The following MITD1 variants were observed in gnomAD, a reference collection of about 807,000 sequenced individuals.
MITD1 encodes MIT domain-containing protein 1.
Under a neutral mutation model 34.9 loss-of-function variants are expected in MITD1, and 24 were observed. The observed-to-expected ratio is 0.69, with a 90% CI of 0.50 to 0.97. The LOEUF (loss-of-function observed/expected upper bound fraction) is 0.97, where lower values mean the gene tolerates loss of function less well. Among genes scored for constraint, MITD1 ranks in the 50% least tolerant of loss-of-function variants. MITD1 has a pLI of 0.00. For missense variants in MITD1, 266 were observed against 294.6 expected (o/e 0.90, Z 0.71); for synonymous variants, 102 against 101.4 (o/e 1.01, Z -0.04).
Position 99,173,696 on chromosome 2 carries a change from A to C in MITD1, c.253+219T>G, listed in dbSNP as rs1204201412. ...TGAGATGTTCAAAGGGGTGTCTGAT[A>C]TTCCCACCCCCAACTAAAAACAAAA... On this transcript the variant is annotated intron_variant, in intron 2 of 6. Transcript: ENST00000289359. The C allele has an allele frequency of 1.2e-5, 7 of 571,672 alleles. No homozygotes were observed. In the Admixed American group the frequency reaches 2.1e-4, roughly 17 times the overall value. 35.4% of individuals were successfully genotyped at this position (571,672 alleles called of 1,614,324 possible). A position where few individuals can be genotyped will look rare whatever the true frequency, so the allele number is the denominator to read the frequency against.
At chr2:99,168,978 T>TTTTTG (rs70940146), downstream of MITD1, among the ~76,000 whole-genome samples, 99 of 103,060 alleles carry the variant, frequency 9.6e-4, 8 homozygotes, top group Non-Finnish European at 1.1e-3. Flanking sequence ...TTTTTTTTTT[T>TTTTTG]CTGATACAGG....
rs1215074648 is a variant in MITD1, at chr2:99,169,590, A to G, written c.614T>C (p.Ile205Thr). 2.5e-6 allele frequency: 4 copies of G among 1,608,054 alleles called. No homozygotes were observed. The East Asian group carries it at 6.7e-5, about 27-fold the overall frequency. ...REIRFNNGWM[I>T]KIGRGLDYFK... ...ATAATCAAGTCCCCTTCCAATCTTA[A>G]TCATCCATCCATTGTTGAACCTGTT... is the stretch of plus-strand genomic sequence containing the variant. Residue 205 changes from isoleucine (I) to threonine (T), a missense_variant, in exon 6 of 7, where the codon ATT becomes ACT. Physicochemically the swap from Ile to Thr is moderately conservative, Grantham distance 89. Coordinates refer to ENST00000289359, the MANE Select transcript of MITD1 (RefSeq NM_138798.3).
At chr2:99,163,366 C>T (rs535635072) in intron 7 of MITD1, among the ~76,000 whole-genome samples, 1 of 152,086 alleles carries the variant, frequency 6.6e-6, no homozygotes, top group African/African-American at 2.4e-5. Flanking sequence ...GACTCACTCT[C>T]ACCCAGGCTG....
At chr2:99,164,608 G>A (rs1195299939), downstream of MITD1, among the ~76,000 whole-genome samples, 1 of 152,148 alleles carries the variant, frequency 6.6e-6, no homozygotes, top group Non-Finnish European at 1.5e-5. Flanking sequence ...ATCTCAGACT[G>A]GGGGTAGGGT....
chr2:99,161,981 G>A (rs2093796909), exon 8 of MITD1: 4 of 1,603,632 alleles, frequency 2.5e-6, no homozygotes, highest in Non-Finnish European at 3.4e-6. Flanking sequence ...TTTCAATGAA[G>A]AATTGCTTCC....
chr2:99,176,091 T>A (rs2093885083), intron 1 of MITD1, among the ~76,000 whole-genome samples: 1 of 151,968 alleles, frequency 6.6e-6, no homozygotes, highest in Non-Finnish European at 1.5e-5. Flanking sequence ...CAGGCACACA[T>A]TACTATGCCT....
chr2:99,168,112 A>G (rs1000540689), downstream of MITD1, among the ~76,000 whole-genome samples: 19 of 152,024 alleles, frequency 1.2e-4, no homozygotes, highest in African/African-American at 4.3e-4. Context: ...TTCCTCTTAC[A>G]TATGTTAGCT....
chr2:99,169,479 A>G lies in MITD1; in HGVS notation c.655-9T>C, dbSNP rs760416386. On this transcript the variant is annotated splice_polypyrimidine_tract_variant and intron_variant, in intron 6 of 6. Transcript: ENST00000289359. ...CCAAGGGAAAAACGACTCTAAGAAGAGAAGAAAAGAGTATCATTAAAAATG... is the reference window on the plus strand; with the variant it reads ...CCAAGGGAAAAACGACTCTAAGAAGGGAAGAAAAGAGTATCATTAAAAATG... The G allele has an allele frequency of 6.2e-7, 1 of 1,607,254 alleles. No individual in the cohort carries two copies. Among genetic ancestry groups the G allele is most frequent in the South Asian group, 1.1e-5 (1 of 90,130 alleles).
intron 2 of MITD1, 80 bp downstream of exon 2, chr2:99,173,835 A>G: frequency 1.1e-6 from 1 of 898,264 alleles, no homozygotes; most frequent in Non-Finnish European, 1.8e-6. Flanking sequence ...ACAGAGCTCC[A>G]AAGGGCAGGA....
rs763614449 is a variant in MITD1, at chr2:99,181,027, G to T, written c.-46C>A. 12 of 1,579,596 alleles carry T rather than the reference G, an allele frequency of 7.6e-6. No homozygotes were observed. Among genetic ancestry groups the T allele is most frequent in the Admixed American group, 5.3e-5 (3 of 56,300 alleles). On this transcript the variant is annotated 5_prime_UTR_variant, in exon 1 of 7. Transcript: ENST00000289359. ...GCCTCAACCCAGGATGAAGTTGAGC[G>T]GGTCTGCTGCGCTTCCGGGAAGTGG...
chr2:99,180,914 A>C lies in MITD1; in HGVS notation c.68T>G (p.Val23Gly). 1 of 1,614,200 alleles carries C rather than the reference A, an allele frequency of 6.2e-7. No individual in the cohort carries two copies. Among genetic ancestry groups the C allele is most frequent in the African/African-American group, 1.3e-5 (1 of 75,058 alleles). ...TAAATVLKRA[V>G]ELDSESRYPQ... ...ATACCGCGACTCCGAATCTAGTTCT[A>C]CTGCCCGCTTTAGCACAGTGGCTGC... The change falls in exon 1 of 7, where the codon GTA becomes GGA. Residue 23 changes from valine (V) to glycine (G), a missense_variant. Transcript: ENST00000289359.
intron 1 of MITD1, among the ~76,000 whole-genome samples, chr2:99,179,419 A>G (rs2093903547): frequency 6.6e-6 from 1 of 152,202 alleles, no homozygotes. Flanking sequence ...TGATAGGGCA[A>G]TTGGTACGGA....
chr2:99,180,673 G>T (rs2093913028), intron 1 of MITD1, 158 bp downstream of exon 1: 7 of 670,350 alleles, frequency 1.0e-5, no homozygotes, highest in African/African-American at 1.8e-5. Flanking sequence ...AGATCTAAAA[G>T]AAAGCGGCCC....
chr2:99,170,779 T>TAGA (rs2093851846), intron 4 of MITD1, 127 bp from the exon 5 acceptor site: 1 of 484,144 alleles, frequency 2.1e-6, no homozygotes, highest in Non-Finnish European at 3.8e-6. Flanking sequence ...TCAATGTCTA[T>TAGA]TATCTCAAAA....
downstream of MITD1, among the ~76,000 whole-genome samples, chr2:99,165,019 TACACACACACACACACAC>T (rs56958044): frequency 5.0e-4 from 69 of 136,736 alleles, no homozygotes; most frequent in Non-Finnish European, 6.2e-4. Flanking sequence ...CAAAATGGCA[TACACACACACACACACAC>T]ACACACACAC....
chr2:99,174,421 T>C (rs961163079), intron 1 of MITD1, among the ~76,000 whole-genome samples: 18 of 152,274 alleles, frequency 1.2e-4, no homozygotes, highest in African/African-American at 4.3e-4. Context: ...GACCTCCCCA[T>C]TATAGTTAAT....
Position 99,181,032 on chromosome 2 carries a change from T to C in MITD1, c.-51A>G. ...AACCCAGGATGAAGTTGAGCGGGTCTGCTGCGCTTCCGGGAAGTGGTCATG... is the reference window on the plus strand; with the variant it reads ...AACCCAGGATGAAGTTGAGCGGGTCCGCTGCGCTTCCGGGAAGTGGTCATG... On this transcript the variant is annotated 5_prime_UTR_variant, in exon 1 of 7. Transcript: ENST00000289359. The C allele has an allele frequency of 6.3e-7, 1 of 1,576,840 alleles. No homozygotes were observed. The highest frequency in any genetic ancestry group is 1.2e-5 in the South Asian group (1 of 86,300).
rs527238362 is a variant in MITD1 at position 99,180,180 on chromosome 2, C to A, written c.151+651G>T. The stretch of plus-strand genomic sequence containing the variant: ...GCGCATTTCTCACACCGAACCTCAT[C>A]CGTTTAAGAAAAACTTTTCTTCTTC... On this transcript the variant is annotated intron_variant, in intron 1 of 6. Coordinates refer to ENST00000289359, the MANE Select transcript of MITD1 (RefSeq NM_138798.3). Among the ~76,000 whole-genome samples, 4 of 152,274 alleles carry A rather than the reference C, an allele frequency of 2.6e-5. No individual in the cohort carries two copies. In the South Asian group the frequency reaches 8.3e-4, roughly 32 times the overall value.
intron 1 of MITD1, among the ~76,000 whole-genome samples, chr2:99,177,676 T>A (rs9636371): frequency 0.18 from 8,543 of 46,826 alleles, 469 homozygotes; most frequent in East Asian, 0.53. Flanking sequence ...TAACTGTAAA[T>A]TTTTTTTTTT....
Sources: gnomAD v4.1 joint callset for allele counts (sites outside exome capture counted in the v4.1 genomes callset) on GRCh38, gnomAD v4.1.1 for gene constraint, MANE v1.5 for transcripts, NCBI Gene and HGNC (gene_info 2026-07-23, HGNC 2026-07-21) for gene names.